DAAM2: variants seen among roughly 807,000 people sequenced by gnomAD.
DAAM2 encodes disheveled-associated activator of morphogenesis 2.
In DAAM2, 39 loss-of-function variants were observed where a neutral mutation model predicts 120.7. That is an observed-to-expected ratio of 0.32 (90% CI 0.25 to 0.42). The LOEUF (loss-of-function observed/expected upper bound fraction) is 0.42. Among genes scored for constraint, DAAM2 ranks in the 10% least tolerant of loss-of-function variants. The pLI is 1.00. For missense variants in DAAM2, 1,283 were observed against 1,401.7 expected, an observed-to-expected ratio of 0.92 and a Z score of 1.35; for synonymous variants, 488 against 524.9, an observed-to-expected ratio of 0.93 and a Z score of 0.96.
rs546990049 is a variant in DAAM2, at chr6:39,840,162, G to A, written c.-56-16085G>A. 1.3e-5 allele frequency among the ~76,000 whole-genome samples: 2 copies of A among 152,200 alleles called. 1 individual carries two copies. The highest frequency in any genetic ancestry group is 4.1e-4 in the South Asian group (2 of 4,832). On this transcript the variant is annotated intron_variant, in intron 1 of 24. Coordinates refer to ENST00000274867, the MANE Select transcript of DAAM2 (RefSeq NM_001201427.2). Reference sequence around the variant, plus strand: ...GGATCGCTTGAGTCTGGGAGGTGGAGGTTGCAGTGAGCGAAGATCGCACCA... The same window carrying A: ...GGATCGCTTGAGTCTGGGAGGTGGAAGTTGCAGTGAGCGAAGATCGCACCA...
intron 1 of DAAM2, among the ~76,000 whole-genome samples, chr6:39,797,079 A>C (rs1337384867): frequency 1.3e-5 from 2 of 152,192 alleles, no homozygotes; most frequent in African/African-American, 4.8e-5. Flanking sequence ...CCCTTTATAC[A>C]AAAGTGGGGC....
intron 15 of DAAM2, chr6:39,885,800 GTCA>G (rs2149344468): frequency 6.6e-6 from 1 of 152,464 alleles, no homozygotes; most frequent in African/African-American, 2.4e-5. Context: ...GGTCCTGGGA[GTCA>G]TGGTCTTCTC....
chr6:39,856,370 C>A lies in DAAM2; in HGVS notation c.68C>A (p.Pro23His). ...TGCTGCTTCGGGGGCAGTGACATCC[C>A]CGAAATCAACCTCCGGGACAACCAC... ...FLCCFGGSDI[P>H]EINLRDNHPL... The change falls in exon 2 of 25, where the codon CCC becomes CAC. Residue 23 changes from proline (P) to histidine (H), a missense_variant. By Grantham distance (77) the Pro-to-His change is moderately conservative. Transcript: ENST00000274867. 1 of 1,553,794 alleles carries A rather than the reference C, an allele frequency of 6.4e-7. No individual in the cohort carries two copies. Among genetic ancestry groups the A allele is most frequent in the Non-Finnish European group, 8.7e-7 (1 of 1,149,558 alleles).
At chr6:39,817,884 A>C (rs1331509050) in intron 1 of DAAM2, among the ~76,000 whole-genome samples, 3 of 152,208 alleles carry the variant, frequency 2.0e-5, no homozygotes, top group Non-Finnish European at 4.4e-5. Context: ...ATGTTAAAAA[A>C]AGAAAAAATT....
intron 1 of DAAM2, among the ~76,000 whole-genome samples, chr6:39,793,457 G>A (rs1008980965): frequency 7.9e-5 from 12 of 151,754 alleles, no homozygotes; most frequent in Non-Finnish European, 7.4e-5. Flanking sequence ...TCTCTGCCTC[G>A]GCCACTTCTC....
intron 11 of DAAM2, among the ~76,000 whole-genome samples, chr6:39,876,724 TGTGTGC>T (rs949237958): frequency 1.2e-4 from 13 of 111,170 alleles, no homozygotes; most frequent in African/African-American, 4.0e-4. Flanking sequence ...TGTGTGTGTG[TGTGTGC>T]GTGTGTGTAT....
At chr6:39,840,091 A>T (rs993574642) in intron 1 of DAAM2, among the ~76,000 whole-genome samples, 1 of 152,020 alleles carries the variant, frequency 6.6e-6, no homozygotes, top group African/African-American at 2.4e-5. Context: ...GCCAGGTGTG[A>T]TGGTGCATGG....
At chr6:39,859,591 T>G (rs763393257) in intron 2 of DAAM2, among the ~76,000 whole-genome samples, 2 of 152,202 alleles carry the variant, frequency 1.3e-5, no homozygotes, top group Non-Finnish European at 2.9e-5. Flanking sequence ...GAACTGTAAC[T>G]GTAAAATGCA....
At chr6:39,865,547 G>A (rs2149303208) in intron 5 of DAAM2, among the ~76,000 whole-genome samples, 1 of 152,250 alleles carries the variant, frequency 6.6e-6, no homozygotes, top group African/African-American at 2.4e-5. Context: ...GAGCAACGCA[G>A]GCATGGAAAA....
intron 1 of DAAM2, among the ~76,000 whole-genome samples, chr6:39,852,626 T>C (rs559366511): frequency 1.3e-5 from 2 of 152,304 alleles, no homozygotes; most frequent in Non-Finnish European, 2.9e-5. Flanking sequence ...CCCAGTGTGC[T>C]CCAAGCATTT....
In DAAM2 at chr6:39,891,708, A is replaced by C. The variant is rs201229313; in HGVS notation, c.2327A>C (p.Lys776Thr). Reference protein sequence around the residue: ...KKFQERLAEAKPKVEAILLAS... With the variant: ...KKFQERLAEATPKVEAILLAS... ...TTCCAGGAGCGGCTGGCTGAGGCAA[A>C]GCCCAAAGTGGAAGGTAGGGCTGAG... The change falls in exon 19 of 25, where the codon AAG becomes ACG. Residue 776 changes from lysine to threonine, a missense_variant. Physicochemically the swap from Lys to Thr is moderately conservative, Grantham distance 78 (BLOSUM62 -1). Coordinates refer to ENST00000274867, the MANE Select transcript of DAAM2 (RefSeq NM_001201427.2). 1.4e-3 allele frequency: 2,215 copies of C among 1,603,698 alleles called. No individual in the cohort carries two copies. Among genetic ancestry groups the C allele is most frequent in the Non-Finnish European group, 1.8e-3 (2,113 of 1,175,080 alleles).
intron 11 of DAAM2, among the ~76,000 whole-genome samples, chr6:39,876,957 T>C (rs958010370): frequency 2.6e-5 from 4 of 152,180 alleles, no homozygotes; most frequent in Non-Finnish European, 5.9e-5. Context: ...TTTTGGCATA[T>C]GGGTAAAGAC....
intron 6 of DAAM2, chr6:39,868,057 G>A: frequency 1.8e-6 from 1 of 562,866 alleles, no homozygotes; most frequent in East Asian, 2.9e-5. Flanking sequence ...TATGAGTTTG[G>A]CTGGGAAATG....
chr6:39,870,178 C>T (rs1204867186), intron 7 of DAAM2, among the ~76,000 whole-genome samples, 162 bp from the exon 8 acceptor site: 1 of 152,116 alleles, frequency 6.6e-6, no homozygotes, highest in African/African-American at 2.4e-5. Context: ...GAAATAAGGT[C>T]TCCATTCTTT....
At chr6:39,896,554 C>T (rs953940774) in intron 19 of DAAM2, among the ~76,000 whole-genome samples, 6 of 152,152 alleles carry the variant, frequency 3.9e-5, no homozygotes, top group Non-Finnish European at 8.8e-5. Flanking sequence ...AAATTGTCTT[C>T]TTGGGAAGAG....
At chr6:39,808,005 T>G (rs577907171) in intron 1 of DAAM2, among the ~76,000 whole-genome samples, 2 of 152,028 alleles carry the variant, frequency 1.3e-5, no homozygotes, top group South Asian at 4.2e-4. Flanking sequence ...CAGGTAGATG[T>G]GACATCTCCA....
intron 1 of DAAM2, chr6:39,855,960 G>T: frequency 1.1e-6 from 1 of 879,474 alleles, no homozygotes; most frequent in Non-Finnish European, 1.4e-6. Context: ...AGTGACCCCA[G>T]CCTTTGTCCT....
intron 21 of DAAM2, 102 bp downstream of exon 21, chr6:39,897,384 G>A (rs1766171529): frequency 1.4e-6 from 1 of 729,044 alleles, no homozygotes. Context: ...TGGCTGGTGT[G>A]AGACCTCGGT....
chr6:39,903,685 TC>T lies in DAAM2; in HGVS notation c.*1649del. ...GGAGACTGGTGAGCTGGGCCTACTCTCAGCTGCCTATCTTCTGCCTTTCACT... is the reference window on the plus strand; with the variant it reads ...GGAGACTGGTGAGCTGGGCCTACTCTAGCTGCCTATCTTCTGCCTTTCACT... On this transcript the variant is annotated 3_prime_UTR_variant, in exon 25 of 25. Coordinates refer to ENST00000274867, the MANE Select transcript of DAAM2 (RefSeq NM_001201427.2). 2 of 164,096 alleles carry T rather than the reference TC, an allele frequency of 1.2e-5. No individual in the cohort carries two copies. Among genetic ancestry groups the T allele is most frequent in the Admixed American group, 5.7e-5 (1 of 17,556 alleles). 10.2% of individuals were successfully genotyped at this position (164,096 alleles called of 1,614,324 possible).
Sources: allele counts gnomAD v4.1 joint callset (sites outside exome capture counted in the v4.1 genomes callset), GRCh38; gene constraint gnomAD v4.1.1; transcripts MANE v1.5; gene names NCBI Gene and HGNC (gene_info 2026-07-23, HGNC 2026-07-21).